Variants in NMT2 observed in about 807,000 individuals in gnomAD.
NMT2 encodes N-myristoyltransferase 2.
In NMT2, 35 loss-of-function variants were observed where a neutral mutation model predicts 65.4. The ratio of observed to expected loss-of-function variants is 0.54; its 90% CI spans 0.41 to 0.71. The LOEUF (loss-of-function observed/expected upper bound fraction) is 0.71. NMT2 is among the 30% of genes least tolerant of loss of function. NMT2 has a pLI of 0.00. For synonymous variants in NMT2, 226 were observed against 231.8 expected (o/e 0.98, Z 0.23); for missense variants, 489 against 611.3 (o/e 0.80, Z 2.11).
chr10:15,152,712 A>C (rs1832845186), intron 1 of NMT2, among the ~76,000 whole-genome samples: 1 of 152,186 alleles, frequency 6.6e-6, no homozygotes, highest in Admixed American at 6.5e-5. Context: ...TTTTTCATTT[A>C]CCAATAAAGA....
chr10:15,132,356 A>G (rs930879489), intron 6 of NMT2, among the ~76,000 whole-genome samples: 1 of 152,164 alleles, frequency 6.6e-6, no homozygotes, highest in African/African-American at 2.4e-5. Flanking sequence ...GAGAGTTTCC[A>G]TAAAGCCTCT....
chr10:15,149,562 ACATCATCACCAC>A (rs201883854), intron 1 of NMT2, among the ~76,000 whole-genome samples: 9,442 of 32,872 alleles, frequency 0.29, 503 homozygotes, highest in African/African-American at 0.44. Flanking sequence ...ATCATCACCA[ACATCATCACCAC>A]CATCATCACC....
intron 1 of NMT2, among the ~76,000 whole-genome samples, chr10:15,155,674 C>A (rs1832975517): frequency 6.6e-6 from 1 of 151,156 alleles, no homozygotes; most frequent in South Asian, 2.1e-4. Flanking sequence ...TGAGCCACTG[C>A]ACCTGGCCCC....
At position 15,116,826 on chromosome 10, in the gene NMT2, T is replaced by C. The variant is rs76420808; in HGVS notation, c.1170+2517A>G. ...CATACATTCAACAATTTAGAAGAAA[T>C]GGATGAACTCCTCAAAAACTATTAA... On this transcript the variant is annotated intron_variant, in intron 9 of 11. Transcript: ENST00000378165. 3.1e-3 allele frequency among the ~76,000 whole-genome samples: 475 copies of C among 152,286 alleles called. 5 individuals are homozygous for C. The highest frequency in any genetic ancestry group is 0.011 in the African/African-American group (442 of 41,554).
At chr10:15,114,996 T>G (rs1282524233) in intron 9 of NMT2, among the ~76,000 whole-genome samples, 5 of 151,780 alleles carry the variant, frequency 3.3e-5, no homozygotes, top group Admixed American at 1.3e-4. Flanking sequence ...AGCAAGACAC[T>G]GTCTCCAAAA....
Position 15,119,339 on chromosome 10 carries a change from T to G in NMT2, c.1170+4A>C. The G allele has an allele frequency of 6.2e-7, 1 of 1,613,842 alleles. No homozygotes were observed. Among genetic ancestry groups the G allele is most frequent in the Non-Finnish European group, 8.5e-7 (1 of 1,179,878 alleles). ...AAGCTTTATGTTTATCACCTTGTCT[T>G]TACCTCCACTACAAACGTGTCAATA... On this transcript the variant is annotated splice_donor_region_variant and intron_variant, in intron 9 of 11. Coordinates refer to ENST00000378165, the MANE Select transcript of NMT2 (RefSeq NM_004808.3).
Position 15,107,271 on chromosome 10 carries a change from C to T in NMT2, c.*1924G>A. The T allele has an allele frequency of 3.4e-6, 3 of 875,102 alleles. No homozygotes were observed. Among genetic ancestry groups the T allele is most frequent in the African/African-American group, 3.6e-5 (2 of 55,096 alleles). The allele number at this position is 875,102 out of a possible 1,614,324, so 54.2% of individuals were successfully genotyped here. A position where few individuals can be genotyped will look rare whatever the true frequency, so the allele number is the denominator to read the frequency against. Reference sequence around the variant, plus strand: ...AATAAAAACATTCTTAGCCTGTGGGCTACACAAAAATAAGCAATGGGCTGG... The same window carrying T: ...AATAAAAACATTCTTAGCCTGTGGGTTACACAAAAATAAGCAATGGGCTGG... On this transcript the variant is annotated 3_prime_UTR_variant, in exon 12 of 12. Transcript: ENST00000378165.
At chr10:15,168,166 C>G (rs1475649288) in intron 1 of NMT2, among the ~76,000 whole-genome samples, 1 of 152,124 alleles carries the variant, frequency 6.6e-6, no homozygotes, top group Non-Finnish European at 1.5e-5. Context: ...TCGGCGCCCA[C>G]CGGAGCCACC....
intron 8 of NMT2, among the ~76,000 whole-genome samples, chr10:15,121,191 A>T (rs1845918015): frequency 6.6e-6 from 1 of 152,214 alleles, no homozygotes; most frequent in Admixed American, 6.5e-5. Flanking sequence ...ATTTTAAGAG[A>T]TGAATAATCT....
chr10:15,127,375 G>A lies in NMT2; in HGVS notation c.999+975C>T, dbSNP rs182036649. On this transcript the variant is annotated intron_variant, in intron 8 of 11. Coordinates refer to ENST00000378165, the MANE Select transcript of NMT2 (RefSeq NM_004808.3). ...ATCCTGGCTAACATGGTGAAACCCC[G>A]TCTCTACTAAAAATACAAAAAATTA... 4.5e-3 allele frequency among the ~76,000 whole-genome samples: 668 copies of A among 149,744 alleles called. 5 individuals are homozygous for A. The highest frequency in any genetic ancestry group is 0.015 in the African/African-American group (596 of 40,682).
At chr10:15,155,727 T>C (rs1359228760) in intron 1 of NMT2, among the ~76,000 whole-genome samples, 1 of 152,028 alleles carries the variant, frequency 6.6e-6, no homozygotes, top group African/African-American at 2.4e-5. Context: ...CTTCTTTTCT[T>C]ATTGAGAACT....
At chr10:15,162,443 A>G (rs1159306206) in intron 1 of NMT2, among the ~76,000 whole-genome samples, 1 of 152,162 alleles carries the variant, frequency 6.6e-6, no homozygotes, top group Non-Finnish European at 1.5e-5. Context: ...ACATGGAGCT[A>G]TTTAAATTTA....
chr10:15,126,008 A>G (rs551690285), intron 8 of NMT2, among the ~76,000 whole-genome samples: 318 of 152,188 alleles, frequency 2.1e-3, no homozygotes, highest in African/African-American at 7.3e-3. Flanking sequence ...TTCAAACAAA[A>G]GATCCCATCA....
chr10:15,155,028 G>A, intron 1 of NMT2: 1 of 1,215,684 alleles, frequency 8.2e-7, no homozygotes. Context: ...ATGCTTCATG[G>A]ACAAGATGCC....
At chr10:15,168,199 C>T (rs1833439881) in intron 1 of NMT2, among the ~76,000 whole-genome samples, 1 of 152,114 alleles carries the variant, frequency 6.6e-6, no homozygotes, top group South Asian at 2.1e-4. Context: ...CAACAGGCGC[C>T]TCCTGGGCCA....
intron 1 of NMT2, among the ~76,000 whole-genome samples, chr10:15,145,067 A>T (rs1846915409): frequency 6.6e-6 from 1 of 152,052 alleles, no homozygotes; most frequent in Non-Finnish European, 1.5e-5. Flanking sequence ...ATTCAGCAAT[A>T]AAAAAAACAA....
intron 1 of NMT2, among the ~76,000 whole-genome samples, chr10:15,163,214 A>G (rs1033297650): frequency 3.3e-5 from 5 of 152,186 alleles, no homozygotes; most frequent in African/African-American, 1.2e-4. Flanking sequence ...ACCTGGCCCT[A>G]TTGTTTGATT....
Position 15,119,498 on chromosome 10 carries a change from C to G in NMT2, c.1015G>C (p.Gly339Arg), listed in dbSNP as rs755163352. 2.5e-6 allele frequency: 4 copies of G among 1,613,806 alleles called. No homozygotes were observed. In the African/African-American group the frequency reaches 5.3e-5, roughly 22 times the overall value. The change falls in exon 9 of 12, where the codon GGT (glycine) becomes CGT (arginine). Residue 339 changes from glycine to arginine, a missense_variant. Gly to Arg is a moderately radical substitution (Grantham distance 125, BLOSUM62 -2). Transcript: ENST00000378165. ...TCTTTTGGTTCCATTGGTCTCAAAC[C>G]TGAAGTCTTTGTAACCTTGTTGGAG... Reference protein sequence around the residue: ...YRLPDVTKTSGLRPMEPKDIK... With the variant: ...YRLPDVTKTSRLRPMEPKDIK...
Position 15,139,538 on chromosome 10 carries a change from C to T in NMT2, c.246+1884G>A, listed in dbSNP as rs1846654508. Among the ~76,000 whole-genome samples the T allele has an allele frequency of 2.0e-5, 3 of 152,116 alleles. No homozygotes were observed. The South Asian group carries it at 6.2e-4, about 32-fold the overall frequency. ...ATGCCACGTTTATCTGATGAAGCGA[C>T]ATTTAGAAACGGGAAGAGTGTTTTG... is the stretch of plus-strand genomic sequence containing the variant. On this transcript the variant is annotated intron_variant, in intron 2 of 11. Transcript: ENST00000378165.
Sources: allele counts gnomAD v4.1 joint callset (sites outside exome capture counted in the v4.1 genomes callset), GRCh38; gene constraint gnomAD v4.1.1; transcripts MANE v1.5; gene names NCBI Gene and HGNC (gene_info 2026-07-23, HGNC 2026-07-21).